The following GREB1 variants were observed in gnomAD, a reference collection of about 807,000 sequenced individuals.
GREB1 encodes protein GREB1.
A neutral mutation model predicts 200.7 loss-of-function variants in GREB1; 106 were observed. That is an observed-to-expected ratio of 0.53 (90% CI 0.45 to 0.62). The LOEUF (loss-of-function observed/expected upper bound fraction) is 0.62. Ranked by LOEUF, GREB1 falls within the 20% of genes least tolerant of loss-of-function variation. GREB1 has a pLI of 0.00. For missense variants in GREB1, 2,243 were observed against 2,556.8 expected (o/e 0.88, Z 2.65); for synonymous variants, 1,132 against 1,092.4 (o/e 1.04, Z -0.72).
intron 1 of GREB1, among the ~76,000 whole-genome samples, chr2:11,510,374 A>G (rs1016266579): frequency 3.9e-5 from 6 of 152,146 alleles, no homozygotes; most frequent in African/African-American, 1.4e-4. Flanking sequence ...TCCCCCTTCA[A>G]TCTTTCATCA....
intron 4 of GREB1, among the ~76,000 whole-genome samples, chr2:11,568,805 G>A (rs917637624): frequency 6.6e-6 from 1 of 152,230 alleles, no homozygotes; most frequent in African/African-American, 2.4e-5. Context: ...TTTGTTAATT[G>A]CTTGCCAGAG....
chr2:11,635,179 C>A, intron 29 of GREB1, 91 bp from the exon 30 acceptor site: 3 of 1,498,204 alleles, frequency 2.0e-6, no homozygotes, highest in Non-Finnish European at 2.7e-6. Flanking sequence ...TAGCCCCCTA[C>A]GATGGGGACC....
intron 1 of GREB1, among the ~76,000 whole-genome samples, chr2:11,500,375 T>C (rs1673001602): frequency 6.6e-6 from 1 of 152,122 alleles, no homozygotes; most frequent in Non-Finnish European, 1.5e-5. Flanking sequence ...TTGGCCAGGC[T>C]ATTGAACTCC....
intron 17 of GREB1, among the ~76,000 whole-genome samples, chr2:11,609,892 A>C (rs1175151296): frequency 6.6e-6 from 1 of 152,240 alleles, no homozygotes; most frequent in Non-Finnish European, 1.5e-5. Context: ...CAGAGTCAGG[A>C]GGACCCATTC....
chr2:11,637,941 G>A (rs767996348), intron 31 of GREB1, 25 bp downstream of exon 31: 8 of 1,580,098 alleles, frequency 5.1e-6, no homozygotes, highest in Non-Finnish European at 7.0e-6. Flanking sequence ...GGGTGCTGTC[G>A]AATCCCTAAT....
chr2:11,610,463 A>T (rs1682817607), intron 17 of GREB1, among the ~76,000 whole-genome samples: 1 of 152,242 alleles, frequency 6.6e-6, no homozygotes, highest in African/African-American at 2.4e-5. Flanking sequence ...TAATAACAAC[A>T]AACCTATGTT....
chr2:11,564,406 A>G (rs1388413576), intron 3 of GREB1, among the ~76,000 whole-genome samples: 4 of 152,196 alleles, frequency 2.6e-5, no homozygotes, highest in East Asian at 1.9e-4. Flanking sequence ...TCAGCCAGGC[A>G]TGGTGGCACA....
At chr2:11,584,202 G>A (rs1467378572) in intron 7 of GREB1, among the ~76,000 whole-genome samples, 1 of 152,170 alleles carries the variant, frequency 6.6e-6, no homozygotes, top group South Asian at 2.1e-4. Flanking sequence ...GTTGAGACAT[G>A]AATCTCTGCA....
At chr2:11,586,372 G>T (rs1680092504) in intron 9 of GREB1, among the ~76,000 whole-genome samples, 1 of 152,262 alleles carries the variant, frequency 6.6e-6, no homozygotes. Context: ...GGCAAAGATA[G>T]CCGTGGTCAC....
chr2:11,484,197 C>T (rs911023585), intron 1 of GREB1, among the ~76,000 whole-genome samples: 2 of 152,182 alleles, frequency 1.3e-5, no homozygotes, highest in Non-Finnish European at 2.9e-5. Context: ...CAGAATTGTT[C>T]ATAAGCAATC....
At chr2:11,605,319 AG>A (rs1682183355) in intron 17 of GREB1, among the ~76,000 whole-genome samples, 1 of 151,042 alleles carries the variant, frequency 6.6e-6, no homozygotes, top group Non-Finnish European at 1.5e-5. Flanking sequence ...TCTGCCTCCC[AG>A]GTTCAAGCAA....
chr2:11,634,942 T>G (rs1685188866), intron 29 of GREB1, among the ~76,000 whole-genome samples: 1 of 152,246 alleles, frequency 6.6e-6, no homozygotes, highest in African/African-American at 2.4e-5. Context: ...TGCTTTCTTT[T>G]TCACCGATGC....
intron 13 of GREB1, among the ~76,000 whole-genome samples, chr2:11,596,769 C>T (rs1427652361): frequency 1.6e-5 from 1 of 61,164 alleles, no homozygotes; most frequent in Non-Finnish European, 3.1e-5. Flanking sequence ...CAGGTGTACA[C>T]AGTGAGGGGG....
Position 11,544,467 on chromosome 2 carries a change from C to A in GREB1, c.-162+10213C>A, listed in dbSNP as rs188066573. Among the ~76,000 whole-genome samples, 4 of 152,238 alleles carry A rather than the reference C, an allele frequency of 2.6e-5. No homozygotes were observed. In the East Asian group the frequency reaches 7.7e-4, roughly 29 times the overall value. ...TCCTGACTTTGTGATCTGCCCACCT[C>A]GGCCTCCCAAAGTGCTGGGATTACA... is the stretch of plus-strand genomic sequence containing the variant. On this transcript the variant is annotated intron_variant, in intron 1 of 32. Transcript: ENST00000381486.
chr2:11,523,497 ACT>A (rs980702791), intron 1 of GREB1, among the ~76,000 whole-genome samples: 6 of 152,020 alleles, frequency 3.9e-5, no homozygotes, highest in African/African-American at 1.4e-4. Context: ...GGTCCATAAA[ACT>A]CTGTTGATTG....
intron 1 of GREB1, among the ~76,000 whole-genome samples, chr2:11,484,561 C>T (rs1672601856): frequency 7.5e-6 from 1 of 133,790 alleles, no homozygotes; most frequent in Admixed American, 8.3e-5. Context: ...CCAGCCTGGG[C>T]AACATAGCGA....
In GREB1 at chr2:11,548,342, ACATG is replaced by A. The variant is rs1675496793; in HGVS notation, c.-161-8108_-161-8105del. On this transcript the variant is annotated intron_variant, in intron 1 of 32. Transcript: ENST00000381486. This position sits in a 1 kb window ranked among gnomAD's most constrained non-coding sequence, Gnocchi z 5.1. ...CACGCACACACCCAGACACGTGCAC[ACATG>A]CATATACCCCAACACAGATGCACAC... Among the ~76,000 whole-genome samples the A allele has an allele frequency of 6.9e-6, 1 of 145,198 alleles. No homozygotes were observed. The highest frequency in any genetic ancestry group is 2.9e-5 in the African/African-American group (1 of 34,934).
rs538019053 is a variant in GREB1 at position 11,489,242 on chromosome 2, C to T, written c.-159+6861C>T. Among the ~76,000 whole-genome samples, 6 of 152,154 alleles carry T rather than the reference C, an allele frequency of 3.9e-5. No individual in the cohort carries two copies. In the South Asian group the frequency reaches 6.2e-4, roughly 16 times the overall value. On this transcript the variant is annotated intron_variant, in intron 1 of 2. Transcript: ENST00000628795. ...TGATCAGATCACAAGGTCAGGGGTT[C>T]GCAGACCAGCCTGGCCAACCTGGTG...
chr2:11,549,558 CCTGTTATGCAATAACAAAATCAT>C (rs1675610919), intron 1 of GREB1, among the ~76,000 whole-genome samples: 1 of 152,194 alleles, frequency 6.6e-6, no homozygotes, highest in South Asian at 2.1e-4. Context: ...CTATAGTTGT[CCTGTTATGCAATAACAAAATCAT>C]TTCAATTTTC....
Sources: gnomAD v4.1 joint callset for allele counts (sites outside exome capture counted in the v4.1 genomes callset) on GRCh38, gnomAD v4.1.1 for gene constraint, Gnocchi (gnomAD v3.1) non-coding constraint, MANE v1.5 for transcripts, NCBI Gene and HGNC (gene_info 2026-07-23, HGNC 2026-07-21) for gene names.